The following ATRNL1 variants were observed in gnomAD, a reference collection of about 807,000 sequenced individuals.
The protein encoded by ATRNL1 is attractin-like protein 1.
Under a neutral mutation model 182.7 loss-of-function variants are expected in ATRNL1, and 95 were observed. The observed-to-expected ratio is 0.52, with a 90% CI of 0.44 to 0.62. The LOEUF is 0.62. ATRNL1 is among the 20% of genes least tolerant of loss of function. The pLI is 0.00. For missense variants in ATRNL1, 1,471 were observed against 1,679.5 expected, an observed-to-expected ratio of 0.88 and a Z score of 2.17; for synonymous variants, 576 against 568.3, an observed-to-expected ratio of 1.01 and a Z score of -0.19.
intron 21 of ATRNL1, among the ~76,000 whole-genome samples, chr10:115,453,744 C>A (rs941022784): frequency 7.6e-6 from 1 of 131,604 alleles, no homozygotes; most frequent in East Asian, 2.3e-4. Context: ...GGGAATTGAA[C>A]AATGAGAACA....
chr10:115,812,327 G>A (rs572393766), intron 27 of ATRNL1, among the ~76,000 whole-genome samples: 1 of 152,138 alleles, frequency 6.6e-6, no homozygotes, highest in South Asian at 2.1e-4. Flanking sequence ...TTGTTTACAA[G>A]GTTCTTGTTT....
In ATRNL1 at chr10:115,148,276, T is replaced by C. The variant is rs1846058702; in HGVS notation, c.830-11764T>C. ...ATTTGTGTATAGAAATGCTGCAGAT[T>C]TTTGTATATTGGTTTTGTAACCTGC... On this transcript the variant is annotated intron_variant, in intron 5 of 28. Transcript: ENST00000355044. Among the ~76,000 whole-genome samples, 3 of 152,292 alleles carry C rather than the reference T, an allele frequency of 2.0e-5. No individual in the cohort carries two copies. The South Asian group carries it at 6.2e-4, about 32-fold the overall frequency.
rs35691625 is a variant in ATRNL1 at position 115,527,116 on chromosome 10, CTT to C, written c.3716+7805_3716+7806del. 2.1e-3 allele frequency among the ~76,000 whole-genome samples: 249 copies of C among 118,634 alleles called. 1 individual carries two copies. Among genetic ancestry groups the C allele is most frequent in the Middle Eastern group, 9.8e-3 (2 of 204 alleles). 77.8% of individuals were successfully genotyped at this position (118,634 alleles called of 152,430 possible). ...TCTGCCATCAGGGATCAGAGAGGCA[CTT>C]TTTTTTTTTTTTCCCCCCCGAGATA... On this transcript the variant is annotated intron_variant, in intron 25 of 28. Coordinates refer to ENST00000355044, the MANE Select transcript of ATRNL1 (RefSeq NM_207303.4).
chr10:115,646,058 C>CACACACACACACAA (rs1859593537), intron 26 of ATRNL1, among the ~76,000 whole-genome samples: 1 of 151,570 alleles, frequency 6.6e-6, no homozygotes, highest in Non-Finnish European at 1.5e-5. Flanking sequence ...CACACACACA[C>CACACACACACACAA]ACACACACAC....
chr10:115,681,940 C>G (rs540245415), intron 26 of ATRNL1, among the ~76,000 whole-genome samples: 1 of 152,132 alleles, frequency 6.6e-6, no homozygotes, highest in East Asian at 1.9e-4. Flanking sequence ...TAAATTGATC[C>G]TGAGATACAA....
At chr10:115,670,906 G>A (rs936353023) in intron 26 of ATRNL1, among the ~76,000 whole-genome samples, 13 of 152,020 alleles carry the variant, frequency 8.6e-5, no homozygotes, top group South Asian at 6.2e-4. Context: ...AAATAATGTC[G>A]AAACACTTTA....
intron 28 of ATRNL1, among the ~76,000 whole-genome samples, chr10:115,857,614 C>T (rs1951217739): frequency 6.6e-6 from 1 of 152,104 alleles, no homozygotes; most frequent in Admixed American, 6.5e-5. Context: ...TGGTGATGGT[C>T]CTTCCATTTC....
intron 27 of ATRNL1, among the ~76,000 whole-genome samples, chr10:115,833,171 G>A (rs1555094315): frequency 1.3e-5 from 2 of 152,158 alleles, no homozygotes; most frequent in Non-Finnish European, 2.9e-5. Context: ...AATGCCTACT[G>A]TATGCAATAC....
intron 28 of ATRNL1, among the ~76,000 whole-genome samples, chr10:115,914,406 T>C (rs1205973773): frequency 6.6e-6 from 1 of 152,096 alleles, no homozygotes; most frequent in Non-Finnish European, 1.5e-5. Flanking sequence ...GATTCTGAGG[T>C]CATGTTGACC....
intron 26 of ATRNL1, among the ~76,000 whole-genome samples, chr10:115,560,946 GC>G (rs1479166183): frequency 6.6e-6 from 1 of 152,140 alleles, no homozygotes; most frequent in Non-Finnish European, 1.5e-5. Flanking sequence ...CAACTGGGTA[GC>G]CACAAGCAAA....
At position 115,573,073 on chromosome 10, in the gene ATRNL1, G is replaced by A. The variant is rs569533782; in HGVS notation, c.3795+23537G>A. Among the ~76,000 whole-genome samples the A allele has an allele frequency of 7.9e-5, 12 of 152,316 alleles. No homozygotes were observed. The South Asian group carries it at 2.5e-3, about 32-fold the overall frequency. On this transcript the variant is annotated intron_variant, in intron 26 of 28. Transcript: ENST00000355044. ...TAATGGACCTTCTGCCTTATTGCAA[G>A]GGTAAAGAACCAGTGTGACAGATTT...
intron 21 of ATRNL1, among the ~76,000 whole-genome samples, chr10:115,441,101 A>G (rs183666816): frequency 6.6e-6 from 1 of 151,802 alleles, no homozygotes; most frequent in East Asian, 1.9e-4. Flanking sequence ...ACAAAAGCCT[A>G]TTTTTCAATT....
At chr10:115,642,120 A>G (rs1859291476) in intron 26 of ATRNL1, among the ~76,000 whole-genome samples, 1 of 152,176 alleles carries the variant, frequency 6.6e-6, no homozygotes, top group African/African-American at 2.4e-5. Flanking sequence ...CATAATAACA[A>G]AAGTTTTCAG....
At chr10:115,139,307 A>G (rs1244734290) in intron 5 of ATRNL1, among the ~76,000 whole-genome samples, 2 of 152,150 alleles carry the variant, frequency 1.3e-5, no homozygotes, top group African/African-American at 4.8e-5. Flanking sequence ...GTATCTTTTC[A>G]GCCGCGCTCC....
chr10:115,359,689 C>G (rs1050656754), intron 19 of ATRNL1, among the ~76,000 whole-genome samples: 18 of 151,468 alleles, frequency 1.2e-4, no homozygotes, highest in Middle Eastern at 3.4e-3. Flanking sequence ...TTATGTAAAG[C>G]TCAAATAAGG....
At chr10:115,781,868 G>A (rs1022211852) in intron 27 of ATRNL1, among the ~76,000 whole-genome samples, 3 of 152,010 alleles carry the variant, frequency 2.0e-5, no homozygotes, top group African/African-American at 4.8e-5. Context: ...TTTCTCCACG[G>A]GCTGAAATCG....
In ATRNL1 at chr10:115,267,049, C is replaced by T. The variant is rs376233596; in HGVS notation, c.1981+44C>T. The stretch of plus-strand genomic sequence containing the variant: ...TCGTCTTTGTGGCAGCAAAATTTCT[C>T]TTCTACAGAAGTAGAAATATCTTCT... On this transcript the variant is annotated intron_variant, in intron 12 of 28. Transcript: ENST00000355044. 103 of 1,347,610 alleles carry T rather than the reference C, an allele frequency of 7.6e-5. 1 individual carries two copies. Among genetic ancestry groups the T allele is most frequent in the Middle Eastern group, 2.6e-4 (1 of 3,920 alleles). The allele number at this position is 1,347,610 out of a possible 1,614,324, so 83.5% of individuals were successfully genotyped here. A position where few individuals can be genotyped will look rare whatever the true frequency, so the allele number is the denominator to read the frequency against.
At chr10:115,122,389 G>C (rs1844778910) in intron 3 of ATRNL1, among the ~76,000 whole-genome samples, 1 of 151,608 alleles carries the variant, frequency 6.6e-6, no homozygotes, top group East Asian at 1.9e-4. Flanking sequence ...TGTATGTTTA[G>C]ATTATTATAA....
intron 26 of ATRNL1, among the ~76,000 whole-genome samples, chr10:115,593,808 T>C (rs1046767620): frequency 2.0e-5 from 3 of 152,198 alleles, no homozygotes; most frequent in Admixed American, 2.0e-4. Context: ...ATGGGTAGTT[T>C]TGTTGTTTAA....
Sources: allele counts gnomAD v4.1 joint callset (sites outside exome capture counted in the v4.1 genomes callset), GRCh38; gene constraint gnomAD v4.1.1; transcripts MANE v1.5; gene names NCBI Gene and HGNC (gene_info 2026-07-23, HGNC 2026-07-21).